AKAP6: variants seen among roughly 807,000 people sequenced by gnomAD.
AKAP6 encodes the protein A-kinase anchoring protein 6.
In AKAP6, 58 loss-of-function variants were observed where a neutral mutation model predicts 188.5. The ratio of observed to expected loss-of-function variants is 0.31; its 90% CI spans 0.25 to 0.38. AKAP6 has a LOEUF of 0.38. Ranked by LOEUF, AKAP6 falls within the 10% of genes least tolerant of loss-of-function variation. The pLI is 1.00. For synonymous variants in AKAP6, 989 were observed against 998.6 expected (o/e 0.99, Z 0.18); for missense variants, 2,710 against 2,740.0 (o/e 0.99, Z 0.24).
intron 11 of AKAP6, among the ~76,000 whole-genome samples, chr14:32,769,902 CAAGT>C (rs1249325583): frequency 6.6e-6 from 1 of 151,942 alleles, no homozygotes; most frequent in East Asian, 1.9e-4. Context: ...TATGTGTATA[CAAGT>C]AAATATAAGT....
At chr14:32,537,726 T>C (rs1352306378) in intron 3 of AKAP6, among the ~76,000 whole-genome samples, 2 of 152,198 alleles carry the variant, frequency 1.3e-5, no homozygotes, top group Admixed American at 1.3e-4. Context: ...ATCAGCTCTG[T>C]TGTAGGAGCT....
At chr14:32,578,645 G>C (rs1462883838) in intron 5 of AKAP6, among the ~76,000 whole-genome samples, 1 of 152,160 alleles carries the variant, frequency 6.6e-6, no homozygotes, top group Non-Finnish European at 1.5e-5. Context: ...GTTTAAACAG[G>C]AGTATATGAA....
intron 7 of AKAP6, among the ~76,000 whole-genome samples, chr14:32,601,928 G>A (rs1885942027): frequency 6.6e-6 from 1 of 152,252 alleles, no homozygotes; most frequent in Admixed American, 6.5e-5. Flanking sequence ...TAACTTATTT[G>A]TTGGAAACAG....
intron 11 of AKAP6, among the ~76,000 whole-genome samples, chr14:32,739,568 G>A: frequency 6.6e-6 from 1 of 151,660 alleles, no homozygotes. Flanking sequence ...CTCTATATGT[G>A]TGAGTTCAAT....
In AKAP6 at chr14:32,405,454, A is replaced by T. The variant is rs537316714; in HGVS notation, c.-34-28006A>T. 1.0e-3 allele frequency among the ~76,000 whole-genome samples: 156 copies of T among 152,342 alleles called. 1 individual carries two copies. Among genetic ancestry groups the T allele is most frequent in the African/African-American group, 3.7e-3 (152 of 41,574 alleles). The stretch of plus-strand genomic sequence containing the variant: ...TGACAATTTTAAAAGACTAAATTAC[A>T]ATGTTGACATTATTCAAATTTGGTA... On this transcript the variant is annotated intron_variant, in intron 1 of 13. Transcript: ENST00000280979.
intron 4 of AKAP6, among the ~76,000 whole-genome samples, chr14:32,551,210 C>T (rs1046115509): frequency 6.6e-6 from 1 of 152,126 alleles, no homozygotes; most frequent in Non-Finnish European, 1.5e-5. Flanking sequence ...TTTATAATTC[C>T]TTCACCTGTT....
chr14:32,760,092 G>A (rs757961298), intron 11 of AKAP6, among the ~76,000 whole-genome samples: 2 of 152,194 alleles, frequency 1.3e-5, no homozygotes, highest in Admixed American at 6.5e-5. Flanking sequence ...ACACGACCAA[G>A]ACATGAACGG....
chr14:32,369,762 A>G (rs144115903), intron 1 of AKAP6, among the ~76,000 whole-genome samples: 233 of 152,326 alleles, frequency 1.5e-3, no homozygotes, highest in Middle Eastern at 0.014. Flanking sequence ...CAAAATGTGT[A>G]AGTTCCCTTT....
intron 2 of AKAP6, among the ~76,000 whole-genome samples, chr14:32,512,347 G>A (rs569000996): frequency 6.6e-6 from 1 of 152,194 alleles, no homozygotes; most frequent in Non-Finnish European, 1.5e-5. Flanking sequence ...CTAAGTTTAT[G>A]GTCAATCTAA....
At chr14:32,663,841 T>A (rs1345763996) in intron 7 of AKAP6, among the ~76,000 whole-genome samples, 5 of 152,120 alleles carry the variant, frequency 3.3e-5, no homozygotes, top group Non-Finnish European at 7.4e-5. Context: ...TTTAAATAGA[T>A]TTTGAGCATA....
At chr14:32,549,458 G>A (rs1288985338) in intron 4 of AKAP6, among the ~76,000 whole-genome samples, 1 of 152,124 alleles carries the variant, frequency 6.6e-6, no homozygotes, top group Non-Finnish European at 1.5e-5. Flanking sequence ...GAATGAGCAT[G>A]GATATGGGGT....
intron 12 of AKAP6, among the ~76,000 whole-genome samples, chr14:32,817,662 C>T (rs926768694): frequency 6.6e-5 from 10 of 152,024 alleles, no homozygotes; most frequent in East Asian, 1.9e-4. Context: ...TTTATTACTC[C>T]CTATCCATTT....
At chr14:32,496,099 T>G (rs546032234) in intron 2 of AKAP6, among the ~76,000 whole-genome samples, 13 of 152,320 alleles carry the variant, frequency 8.5e-5, no homozygotes, top group Non-Finnish European at 1.5e-4. Flanking sequence ...CCTGATTAGG[T>G]TATTTAATCC....
At chr14:32,816,512 T>C (rs937156813) in intron 12 of AKAP6, among the ~76,000 whole-genome samples, 3 of 152,146 alleles carry the variant, frequency 2.0e-5, no homozygotes, top group African/African-American at 7.2e-5. Flanking sequence ...TGTTTTTGTT[T>C]TTATAAAATT....
intron 4 of AKAP6, among the ~76,000 whole-genome samples, chr14:32,560,222 T>C (rs1479406187): frequency 1.3e-5 from 2 of 152,176 alleles, no homozygotes; most frequent in Non-Finnish European, 2.9e-5. Context: ...ATAATAAAAA[T>C]CTTTTGTGTA....
At chr14:32,442,935 G>T (rs1566505258) in intron 2 of AKAP6, among the ~76,000 whole-genome samples, 1 of 152,150 alleles carries the variant, frequency 6.6e-6, no homozygotes, top group Non-Finnish European at 1.5e-5. Flanking sequence ...TGAAAAGGAA[G>T]TAAGATGTGA....
At chr14:32,338,525 T>C (rs983968604) in intron 1 of AKAP6, among the ~76,000 whole-genome samples, 1 of 152,040 alleles carries the variant, frequency 6.6e-6, no homozygotes, top group Non-Finnish European at 1.5e-5. Context: ...GAGCAAGAGA[T>C]TAGTGGTAGG....
intron 2 of AKAP6, among the ~76,000 whole-genome samples, chr14:32,511,466 C>T (rs1273322681): frequency 6.6e-6 from 1 of 151,468 alleles, no homozygotes; most frequent in African/African-American, 2.4e-5. Flanking sequence ...ACCTCCACCT[C>T]CTGGGTTCAA....
intron 4 of AKAP6, among the ~76,000 whole-genome samples, chr14:32,576,347 AGTTG>A (rs1365878505): frequency 3.3e-5 from 5 of 152,156 alleles, no homozygotes; most frequent in African/African-American, 1.2e-4. Flanking sequence ...TTAGGTTTGC[AGTTG>A]GGCTTTCATA....
Sources: allele counts gnomAD v4.1 joint callset (sites outside exome capture counted in the v4.1 genomes callset), GRCh38; gene constraint gnomAD v4.1.1; transcripts MANE v1.5; gene names NCBI Gene and HGNC (gene_info 2026-07-23, HGNC 2026-07-21).